The following EIF5A2 variants were observed in gnomAD, a reference collection of about 807,000 sequenced individuals.
EIF5A2 encodes the protein eukaryotic translation initiation factor 5A2, also known as eukaryotic translation initiation factor 5A-2.
In EIF5A2, 15 loss-of-function variants were observed where a neutral mutation model predicts 16.4. The observed-to-expected ratio is 0.92, with a 90% confidence interval of 0.61 to 1.41. The LOEUF is 1.41. Among genes scored for constraint, EIF5A2 ranks in the 40% most tolerant of loss-of-function variants. The pLI, the probability that EIF5A2 is intolerant of heterozygous loss-of-function variation, is 0.00. For synonymous variants in EIF5A2, 48 were observed against 61.1 expected (o/e 0.79, Z 1.00); for missense variants, 144 against 189.5 (o/e 0.76, Z 1.41).
chr3:170,894,437 T>C lies in EIF5A2; in HGVS notation c.271-14A>G. ...AATGCATATCAGCTATTAGAAGAAA[T>C]TATATCATTTGTGCTGATTAGATTA... On this transcript the variant is annotated splice_polypyrimidine_tract_variant and intron_variant, in intron 3 of 4. Transcript: ENST00000295822. The C allele has an allele frequency of 1.2e-6, 2 of 1,613,100 alleles. No homozygotes were observed. Among genetic ancestry groups the C allele is most frequent in the Non-Finnish European group, 1.7e-6 (2 of 1,179,412 alleles).
Position 170,892,518 on chromosome 3 carries a change from C to A in EIF5A2, c.*842G>T. ...CAACATAGTTGGAAAACAAGCATTG[C>A]ATAGTATCATGTAAAGCAGATCACT... On this transcript the variant is annotated 3_prime_UTR_variant, in exon 5 of 5. Transcript: ENST00000295822. 2.8e-6 allele frequency: 1 copy of A among 355,786 alleles called. No homozygotes were observed. Among genetic ancestry groups the A allele is most frequent in the African/African-American group, 2.1e-5 (1 of 47,554 alleles). 22.0% of individuals were successfully genotyped at this position (355,786 alleles called of 1,614,324 possible). A position where few individuals can be genotyped will look rare whatever the true frequency, so the allele number is the denominator to read the frequency against.
At position 170,897,292 on chromosome 3, in the gene EIF5A2, A is replaced by G. The variant is rs1284299652; in HGVS notation, c.271-2869T>C. Among the ~76,000 whole-genome samples the G allele has an allele frequency of 3.9e-5, 6 of 152,364 alleles. No individual in the cohort carries two copies. In the South Asian group the frequency reaches 1.0e-3, roughly 26 times the overall value. On this transcript the variant is annotated intron_variant, in intron 3 of 4. Transcript: ENST00000295822. ...ATTCAAGCCAGCTGCAGAAATTTGC[A>G]TAAGTTACAAGGAGCTGAATATTAA...
Position 170,893,275 on chromosome 3 carries a change from G to T in EIF5A2, c.*85C>A. 1 of 1,385,800 alleles carries T rather than the reference G, an allele frequency of 7.2e-7. No homozygotes were observed. The highest frequency in any genetic ancestry group is 1.0e-6 in the Non-Finnish European group (1 of 999,674). 85.8% of individuals were successfully genotyped at this position (1,385,800 alleles called of 1,614,324 possible). On this transcript the variant is annotated 3_prime_UTR_variant, in exon 5 of 5. Coordinates refer to ENST00000295822, the MANE Select transcript of EIF5A2 (RefSeq NM_020390.6). The stretch of plus-strand genomic sequence containing the variant: ...AAAAAGAAATGAGGTTGCTTATGAA[G>T]GCTATAGCTTTGGTGACAACTTAGA...
intron 3 of EIF5A2, among the ~76,000 whole-genome samples, chr3:170,902,398 C>CT (rs36044967): frequency 0.081 from 7,359 of 91,258 alleles, 409 homozygotes; most frequent in African/African-American, 0.16. Context: ...GCCATTCAGC[C>CT]TTTTTTTTTT....
rs556212152 is a variant in EIF5A2 at position 170,905,242 on chromosome 3, T to G, written c.270+1747A>C. The stretch of plus-strand genomic sequence containing the variant: ...CTTGAGCTCCTATATGGCTTGTCAT[T>G]GTTACTAGTTCTGTCTTTATTTAAA... On this transcript the variant is annotated intron_variant, in intron 3 of 4. Transcript: ENST00000295822. Among the ~76,000 whole-genome samples the G allele has an allele frequency of 2.6e-5, 4 of 152,364 alleles. No individual in the cohort carries two copies. In the East Asian group the frequency reaches 7.7e-4, roughly 29 times the overall value.
chr3:170,907,537 G>T, intron 2 of EIF5A2, 105 bp downstream of exon 2: 1 of 1,303,572 alleles, frequency 7.7e-7, no homozygotes, highest in Non-Finnish European at 1.0e-6. Flanking sequence ...AAAAAATAGT[G>T]CTTATTACAA....
intron 3 of EIF5A2, among the ~76,000 whole-genome samples, chr3:170,902,956 C>T (rs914963102): frequency 2.0e-5 from 3 of 152,062 alleles, no homozygotes; most frequent in Admixed American, 2.0e-4. Flanking sequence ...ATCAATGACA[C>T]GGGCTTTCTC....
rs541938959 is a variant in EIF5A2, at chr3:170,906,745, C to A, written c.270+244G>T. On this transcript the variant is annotated intron_variant, in intron 3 of 4. Coordinates refer to ENST00000295822, the MANE Select transcript of EIF5A2 (RefSeq NM_020390.6). ...TATGCAGTCACTTGGCCTGAGAACA[C>A]TAATAAGTATTTGACTTTTTAAAAA... Among the ~76,000 whole-genome samples the A allele has an allele frequency of 3.3e-5, 5 of 152,244 alleles. No homozygotes were observed. The South Asian group carries it at 1.0e-3, about 32-fold the overall frequency.
intron 3 of EIF5A2, among the ~76,000 whole-genome samples, chr3:170,905,932 G>T (rs549516745): frequency 1.3e-5 from 2 of 152,070 alleles, no homozygotes; most frequent in Admixed American, 1.3e-4. Flanking sequence ...TTTCTACAAA[G>T]ACTTCAAAGC....
chr3:170,904,736 C>T (rs571942630), intron 3 of EIF5A2, among the ~76,000 whole-genome samples: 18 of 152,028 alleles, frequency 1.2e-4, no homozygotes, highest in Non-Finnish European at 2.5e-4. Context: ...GTTTTTTAAA[C>T]AATTAACAGA....
intron 3 of EIF5A2, among the ~76,000 whole-genome samples, chr3:170,905,139 T>G (rs760836417): frequency 7.9e-5 from 12 of 152,224 alleles, no homozygotes; most frequent in Admixed American, 3.3e-4. Context: ...TTTAAAAAAT[T>G]AGAATTAATG....
rs1334230866 is a variant in EIF5A2 at position 170,891,812 on chromosome 3, A to G, written c.*1548T>C. The G allele has an allele frequency of 1.3e-5, 2 of 152,624 alleles. No individual in the cohort carries two copies. The highest frequency in any genetic ancestry group is 4.8e-5 in the African/African-American group (2 of 41,448). 9.5% of individuals were successfully genotyped at this position (152,624 alleles called of 1,614,324 possible). ...GTCTAAAATTCTGGAAATAATATACATATGACTCAAAAGATGAAATAGAAA... is the reference window on the plus strand; with the variant it reads ...GTCTAAAATTCTGGAAATAATATACGTATGACTCAAAAGATGAAATAGAAA... On this transcript the variant is annotated 3_prime_UTR_variant, in exon 5 of 5. Transcript: ENST00000295822.
chr3:170,896,825 GAAGA>G (rs541276972), intron 3 of EIF5A2, among the ~76,000 whole-genome samples: 18 of 152,314 alleles, frequency 1.2e-4, no homozygotes, highest in Admixed American at 7.8e-4. Context: ...AGAGGGCTCA[GAAGA>G]AAGAAAGATG....
chr3:170,893,369 G>C lies in EIF5A2; in HGVS notation c.453C>G (p.Pro151=), dbSNP rs192233758. The C allele has an allele frequency of 1.9e-6, 3 of 1,613,918 alleles. No individual in the cohort carries two copies. The highest frequency in any genetic ancestry group is 2.2e-5 in the East Asian group (1 of 44,816). The change falls in exon 5 of 5, where the codon CCC becomes CCG. Residue 151 remains proline (P), a synonymous_variant. Transcript: ENST00000295822. ...TGCCTGATGTTTCCGTTTATTTGCA[G>C]GGTTTTATGGCTACAGCATATTCTT... ...MSEEYAVAIK[P]CK
chr3:170,898,926 C>T (rs567261168), intron 3 of EIF5A2, among the ~76,000 whole-genome samples: 6 of 151,996 alleles, frequency 3.9e-5, no homozygotes, highest in African/African-American at 1.4e-4. Flanking sequence ...ATAAATACTT[C>T]AGTGCAACAG....
chr3:170,906,137 TA>T (rs1712932146), intron 3 of EIF5A2, among the ~76,000 whole-genome samples: 1 of 152,176 alleles, frequency 6.6e-6, no homozygotes, highest in Non-Finnish European at 1.5e-5. Context: ...TTAAGTCGGA[TA>T]AAACAAATAC....
intron 3 of EIF5A2, among the ~76,000 whole-genome samples, chr3:170,896,825 G>A (rs1712686332): frequency 6.6e-6 from 1 of 152,196 alleles, no homozygotes; most frequent in Non-Finnish European, 1.5e-5. Context: ...AGAGGGCTCA[G>A]AAGAAAGAAA....
At chr3:170,893,903 C>T (rs547068652) in intron 4 of EIF5A2, among the ~76,000 whole-genome samples, 15 of 152,138 alleles carry the variant, frequency 9.9e-5, no homozygotes, top group East Asian at 7.7e-4. Flanking sequence ...TGTGGTGGCA[C>T]GCGCCTGCAA....
intron 3 of EIF5A2, among the ~76,000 whole-genome samples, chr3:170,906,477 G>T (rs35405503): frequency 0.24 from 36,750 of 152,000 alleles, 4,499 homozygotes; most frequent in Middle Eastern, 0.29. Flanking sequence ...TCAGTGACCA[G>T]GTACTTTATC....
Sources: allele counts gnomAD v4.1 joint callset (sites outside exome capture counted in the v4.1 genomes callset), GRCh38; gene constraint gnomAD v4.1.1; transcripts MANE v1.5; gene names NCBI Gene and HGNC (gene_info 2026-07-23, HGNC 2026-07-21).